The following ARFGEF3 variants were observed in gnomAD, a reference collection of about 807,000 sequenced individuals.
ARFGEF3 encodes the protein ARFGEF family member 3, also known as brefeldin A-inhibited guanine nucleotide-exchange protein 3.
Under a neutral mutation model 221.7 loss-of-function variants are expected in ARFGEF3, and 96 were observed. That is an observed-to-expected ratio of 0.43 (90% confidence interval 0.37 to 0.51). The LOEUF (loss-of-function observed/expected upper bound fraction) is 0.51. ARFGEF3 is among the 20% of genes least tolerant of loss of function. The probability of loss-of-function intolerance (pLI) is 0.00; values close to 1 mark genes in which losing one functional copy is unlikely to be tolerated. For synonymous variants in ARFGEF3, 1,145 were observed against 1,126.8 expected, an observed-to-expected ratio of 1.02 and a Z score of -0.32; for missense variants, 2,410 against 2,789.9, an observed-to-expected ratio of 0.86 and a Z score of 3.07.
rs559915928 is a variant in ARFGEF3, at chr6:138,341,923, T to C, written c.*5437T>C. 24 of 152,282 alleles carry C rather than the reference T, an allele frequency of 1.6e-4. No individual in the cohort carries two copies. Among genetic ancestry groups the C allele is most frequent in the African/African-American group, 5.5e-4 (23 of 41,556 alleles). 9.4% of individuals were successfully genotyped at this position (152,282 alleles called of 1,614,324 possible). ...CACCACTAGCACCATACAGAACCTT[T>C]TCTCTGTATCTTTGTACAATACTAC... On this transcript the variant is annotated 3_prime_UTR_variant, in exon 34 of 34. Coordinates refer to ENST00000251691, the MANE Select transcript of ARFGEF3 (RefSeq NM_020340.5).
chr6:138,292,359 T>C (rs961875455), intron 19 of ARFGEF3, among the ~76,000 whole-genome samples: 1 of 152,014 alleles, frequency 6.6e-6, no homozygotes, highest in African/African-American at 2.4e-5. Context: ...GGTCATTTTT[T>C]AAAAGTAATT....
chr6:138,166,457 G>C (rs1776724586), intron 1 of ARFGEF3, among the ~76,000 whole-genome samples: 1 of 152,082 alleles, frequency 6.6e-6, no homozygotes. Context: ...TGTCTACTTT[G>C]TCATGACACT....
At chr6:138,183,268 G>A (rs117554639) in intron 2 of ARFGEF3, among the ~76,000 whole-genome samples, 2,062 of 152,242 alleles carry the variant, frequency 0.014, 32 homozygotes, top group Middle Eastern at 0.058. Flanking sequence ...GGAAGACAAG[G>A]CCAGCAACAC....
At chr6:138,309,192 C>T (rs150900477) in intron 24 of ARFGEF3, among the ~76,000 whole-genome samples, 8 of 152,270 alleles carry the variant, frequency 5.3e-5, no homozygotes, top group East Asian at 3.9e-4. Flanking sequence ...CAGGTCTAAT[C>T]ACACTCTATG....
rs1776648762 is a variant in ARFGEF3, at chr6:138,162,999, C to T, written c.85+828C>T. Among the ~76,000 whole-genome samples, 1 of 152,226 alleles carries T rather than the reference C, an allele frequency of 6.6e-6. No individual in the cohort carries two copies. The highest frequency in any genetic ancestry group is 1.5e-5 in the Non-Finnish European group (1 of 68,040). On this transcript the variant is annotated intron_variant, in intron 1 of 33. Coordinates refer to ENST00000251691, the MANE Select transcript of ARFGEF3 (RefSeq NM_020340.5). This position sits in a 1 kb window ranked among gnomAD's most constrained non-coding sequence, Gnocchi z 4.7. Reference sequence around the variant, plus strand: ...TCTATGGGCTCCTCTCTCTGCCTTGCTGGAGCCTGATGTGATGCCTCAGTT... The same window carrying T: ...TCTATGGGCTCCTCTCTCTGCCTTGTTGGAGCCTGATGTGATGCCTCAGTT...
chr6:138,170,730 G>A lies in ARFGEF3; in HGVS notation c.137+17G>A. ...TGTACTGAGGTAGGAGATGGACATTGTATAATATCACAGAAGTCAATATTA... is the reference window on the plus strand; with the variant it reads ...TGTACTGAGGTAGGAGATGGACATTATATAATATCACAGAAGTCAATATTA... On this transcript the variant is annotated intron_variant, in intron 2 of 33. Transcript: ENST00000251691. The A allele has an allele frequency of 6.8e-7, 1 of 1,474,718 alleles. No homozygotes were observed. Among genetic ancestry groups the A allele is most frequent in the Non-Finnish European group, 9.5e-7 (1 of 1,053,550 alleles). The allele number at this position is 1,474,718 out of a possible 1,614,324, so 91.4% of individuals were successfully genotyped here. A position where few individuals can be genotyped will look rare whatever the true frequency, so the allele number is the denominator to read the frequency against.
intron 12 of ARFGEF3, among the ~76,000 whole-genome samples, chr6:138,267,201 A>C (rs532631618): frequency 6.6e-6 from 1 of 152,150 alleles, no homozygotes; most frequent in Admixed American, 6.5e-5. Flanking sequence ...AGGCAGATGG[A>C]TCACTTGAGG....
intron 12 of ARFGEF3, among the ~76,000 whole-genome samples, chr6:138,265,080 T>C (rs1002641764): frequency 6.6e-6 from 1 of 152,076 alleles, no homozygotes; most frequent in Non-Finnish European, 1.5e-5. Context: ...ATTTTTTGTA[T>C]TTTTAGTAGA....
chr6:138,278,080 G>C (rs1380554001), intron 12 of ARFGEF3, among the ~76,000 whole-genome samples: 3 of 152,160 alleles, frequency 2.0e-5, no homozygotes, highest in Non-Finnish European at 4.4e-5. Flanking sequence ...AGGAGGGTGA[G>C]GTTGGAGTTT....
intron 14 of ARFGEF3, among the ~76,000 whole-genome samples, chr6:138,283,977 C>T (rs1779240369): frequency 6.6e-6 from 1 of 152,064 alleles, no homozygotes; most frequent in African/African-American, 2.4e-5. Flanking sequence ...TAAGTCTCAT[C>T]CTCTTGGGGT....
At chr6:138,208,202 T>C (rs1777658342) in intron 3 of ARFGEF3, among the ~76,000 whole-genome samples, 1 of 152,204 alleles carries the variant, frequency 6.6e-6, no homozygotes, top group South Asian at 2.1e-4. Flanking sequence ...AAGGGCTTAC[T>C]GAATCGTGTT....
At chr6:138,284,662 T>TTACC (rs1779256193) in intron 14 of ARFGEF3, among the ~76,000 whole-genome samples, 1 of 152,256 alleles carries the variant, frequency 6.6e-6, no homozygotes, top group Non-Finnish European at 1.5e-5. Flanking sequence ...AGAGCTGGAA[T>TTACC]GGTATAGAGA....
rs760910446 is a variant in ARFGEF3 at position 138,334,964 on chromosome 6, G to A, written c.6118G>A (p.Ala2040Thr). 59 of 1,586,092 alleles carry A rather than the reference G, an allele frequency of 3.7e-5. No individual in the cohort carries two copies. Among genetic ancestry groups the A allele is most frequent in the Admixed American group, 9.1e-5 (5 of 55,124 alleles). The part of the protein sequence containing the change: ...KKRKQQHNLS[A>T]FPKEVKVEKK... Reference sequence around the variant, plus strand: ...GAGGAAACAGCAGCACAACCTGTCCGCGTTCCCCAAAGAGGTCAAAGTGGA... The same window carrying A: ...GAGGAAACAGCAGCACAACCTGTCCACGTTCCCCAAAGAGGTCAAAGTGGA... Residue 2040 changes from alanine to threonine, a missense_variant, in exon 33 of 34, where the codon GCG (alanine) becomes ACG (threonine). Ala to Thr is a moderately conservative substitution (Grantham distance 58). Around this residue, in one of 5 missense-constraint regions of ARFGEF3, gnomAD observed 339 missense variants for 334.9 expected, o/e 1.01. Transcript: ENST00000251691. The surrounding 1 kb of genome is among the most constrained non-coding windows in gnomAD (Gnocchi z 5.1).
intron 22 of ARFGEF3, among the ~76,000 whole-genome samples, chr6:138,299,297 A>G (rs1252477196): frequency 6.8e-6 from 1 of 146,702 alleles, no homozygotes; most frequent in African/African-American, 2.5e-5. Context: ...CTAGGCAATT[A>G]AAAAAAAAAC....
chr6:138,245,477 C>G, intron 7 of ARFGEF3, 36 bp from the exon 8 acceptor site: 1 of 1,485,082 alleles, frequency 6.7e-7, no homozygotes, highest in Non-Finnish European at 9.3e-7. Context: ...TGCCCCCTGT[C>G]GATGTCTCAT....
At chr6:138,246,926 C>G (rs1778495308) in intron 8 of ARFGEF3, among the ~76,000 whole-genome samples, 1 of 152,112 alleles carries the variant, frequency 6.6e-6, no homozygotes, top group South Asian at 2.1e-4. Context: ...ATTTGTTTCA[C>G]TATAGTAACC....
intron 32 of ARFGEF3, among the ~76,000 whole-genome samples, chr6:138,333,719 G>T (rs902330090): frequency 6.6e-6 from 1 of 152,188 alleles, no homozygotes; most frequent in African/African-American, 2.4e-5. Flanking sequence ...TGGGATTACA[G>T]GCTTGAGCCA....
intron 2 of ARFGEF3, among the ~76,000 whole-genome samples, chr6:138,205,871 G>C (rs1207615097): frequency 6.6e-6 from 1 of 152,170 alleles, no homozygotes; most frequent in African/African-American, 2.4e-5. Flanking sequence ...TGTGACTCTC[G>C]CTTCATCGGT....
At chr6:138,243,040 A>G (rs750351674) in intron 7 of ARFGEF3, 46 bp downstream of exon 7, 1 of 1,468,674 alleles carries the variant, frequency 6.8e-7, no homozygotes, top group South Asian at 1.2e-5. Context: ...AGCAGGTGTG[A>G]GAATGCCTAC....
Sources: gnomAD v4.1 joint callset for allele counts (sites outside exome capture counted in the v4.1 genomes callset) on GRCh38, gnomAD v4.1.1 for gene constraint, gnomAD v4.1.1 regional missense constraint, Gnocchi (gnomAD v3.1) non-coding constraint, MANE v1.5 for transcripts, NCBI Gene and HGNC (gene_info 2026-07-23, HGNC 2026-07-21) for gene names.